Variants in RTN1 observed in about 807,000 individuals in gnomAD.
RTN1 encodes the protein reticulon 1.
Under a neutral mutation model 65.5 loss-of-function variants are expected in RTN1, and 25 were observed. That is an observed-to-expected ratio of 0.38 (90% CI 0.28 to 0.53). The LOEUF (loss-of-function observed/expected upper bound fraction) is 0.53, where lower values mean the gene tolerates loss of function less well. Among genes scored for constraint, RTN1 ranks in the 20% least tolerant of loss-of-function variants. The pLI is 0.79. For missense variants in RTN1, 983 were observed against 1,025.4 expected, an observed-to-expected ratio of 0.96 and a Z score of 0.57; for synonymous variants, 471 against 447.6, an observed-to-expected ratio of 1.05 and a Z score of -0.66.
rs546900024 is a variant in RTN1 at position 59,799,487 on chromosome 14, T to C, written c.242-53006A>G. 2.6e-5 allele frequency among the ~76,000 whole-genome samples: 4 copies of C among 152,328 alleles called. No homozygotes were observed. The East Asian group carries it at 5.8e-4, about 22-fold the overall frequency. On this transcript the variant is annotated intron_variant, in intron 1 of 8. Transcript: ENST00000267484. ...AAGTCAAAAGCCCTCCCTAGAGAGA[T>C]GGGACACATGAATTCTTTCACCTTT...
chr14:59,603,389 A>G, intron 6 of RTN1, 131 bp from the exon 7 acceptor site: 1 of 685,622 alleles, frequency 1.5e-6, no homozygotes, highest in Non-Finnish European at 2.3e-6. Context: ...TTTATTTTTT[A>G]TTCCCTATTT....
rs989044636 is a variant in RTN1, at chr14:59,683,843, T to C, written c.1765+43076A>G. Among the ~76,000 whole-genome samples the C allele has an allele frequency of 6.6e-5, 10 of 152,106 alleles. No homozygotes were observed. The South Asian group carries it at 8.3e-4, about 13-fold the overall frequency. On this transcript the variant is annotated intron_variant, in intron 3 of 8. Transcript: ENST00000267484. ...ACTGGTGATCCATCTAATTTGCTTT[T>C]CTTTGTTTTTTAGCTCTTGCCAACG... is the stretch of plus-strand genomic sequence containing the variant.
At chr14:59,733,230 T>A (rs1884938974) in intron 2 of RTN1, among the ~76,000 whole-genome samples, 1 of 152,140 alleles carries the variant, frequency 6.6e-6, no homozygotes, top group Non-Finnish European at 1.5e-5. Flanking sequence ...TAGCTGGGAT[T>A]ACAGGGGTGC....
At chr14:59,636,595 A>G (rs921168005) in intron 3 of RTN1, among the ~76,000 whole-genome samples, 16 of 152,234 alleles carry the variant, frequency 1.1e-4, no homozygotes, top group African/African-American at 3.9e-4. Flanking sequence ...AGTATTATAT[A>G]GTGACCTTGC....
At chr14:59,649,570 C>T (rs190283516) in intron 3 of RTN1, among the ~76,000 whole-genome samples, 1 of 151,312 alleles carries the variant, frequency 6.6e-6, no homozygotes, top group Non-Finnish European at 1.5e-5. Context: ...TAAAAAAAAA[C>T]CATCAAAAAG....
chr14:59,642,086 T>A (rs1882793033), intron 3 of RTN1, among the ~76,000 whole-genome samples: 1 of 152,218 alleles, frequency 6.6e-6, no homozygotes, highest in Non-Finnish European at 1.5e-5. Flanking sequence ...TATCTTATTT[T>A]CATTTTTGAA....
intron 1 of RTN1, among the ~76,000 whole-genome samples, chr14:59,852,530 T>G (rs1168116835): frequency 6.6e-6 from 1 of 152,162 alleles, no homozygotes; most frequent in Admixed American, 6.5e-5. Flanking sequence ...TCCAAAAACG[T>G]TGGCAGCGAC....
At chr14:59,778,745 C>A (rs1202123345) in intron 1 of RTN1, among the ~76,000 whole-genome samples, 1 of 152,024 alleles carries the variant, frequency 6.6e-6, no homozygotes, top group Middle Eastern at 3.2e-3. Flanking sequence ...CCAAATAGAC[C>A]AGTAATAAGG....
intron 3 of RTN1, among the ~76,000 whole-genome samples, chr14:59,685,674 A>G (rs1883832086): frequency 6.6e-6 from 1 of 152,202 alleles, no homozygotes; most frequent in East Asian, 1.9e-4. Context: ...AAAGACACAA[A>G]TAAATGGAAA....
intron 3 of RTN1, among the ~76,000 whole-genome samples, chr14:59,661,448 A>T (rs570436208): frequency 6.6e-4 from 100 of 152,232 alleles, no homozygotes; most frequent in African/African-American, 2.4e-3. Flanking sequence ...GACACAACAA[A>T]AAAGGAAAAT....
intron 3 of RTN1, among the ~76,000 whole-genome samples, chr14:59,681,673 C>T (rs1377112909): frequency 2.0e-5 from 3 of 152,168 alleles, no homozygotes; most frequent in Non-Finnish European, 2.9e-5. Context: ...TAACTGCTTA[C>T]TAAATAAATC....
Position 59,750,077 on chromosome 14 carries a change from T to C in RTN1, c.242-3596A>G, listed in dbSNP as rs868006418. Among the ~76,000 whole-genome samples, 3 of 67,376 alleles carry C rather than the reference T, an allele frequency of 4.5e-5. 1 individual carries two copies. Among genetic ancestry groups the C allele is most frequent in the African/African-American group, 2.2e-4 (3 of 13,750 alleles). 44.2% of individuals were successfully genotyped at this position (67,376 alleles called of 152,430 possible). A position where few individuals can be genotyped will look rare whatever the true frequency, so the allele number is the denominator to read the frequency against. ...TTATATACATATATTATATATTATATATTATAGACATATATATTATATATT... is the reference window on the plus strand; with the variant it reads ...TTATATACATATATTATATATTATACATTATAGACATATATATTATATATT... On this transcript the variant is annotated intron_variant, in intron 1 of 8. Coordinates refer to ENST00000267484, the MANE Select transcript of RTN1 (RefSeq NM_021136.3).
At chr14:59,632,336 T>C (rs1882572614) in intron 3 of RTN1, among the ~76,000 whole-genome samples, 1 of 152,192 alleles carries the variant, frequency 6.6e-6, no homozygotes, top group South Asian at 2.1e-4. Context: ...TCCCAATTTT[T>C]TTCATTGCCA....
intron 8 of RTN1, among the ~76,000 whole-genome samples, chr14:59,599,261 C>T (rs942357176): frequency 6.6e-6 from 1 of 152,168 alleles, no homozygotes. Flanking sequence ...TGTAGGACTT[C>T]ACTTTCCTTA....
intron 3 of RTN1, among the ~76,000 whole-genome samples, chr14:59,624,988 A>G (rs1882354906): frequency 6.6e-6 from 1 of 152,264 alleles, no homozygotes. Context: ...AAGGTAACTT[A>G]AAATATACCA....
chr14:59,692,229 A>G (rs1232828015), intron 3 of RTN1, among the ~76,000 whole-genome samples: 13 of 152,244 alleles, frequency 8.5e-5, no homozygotes, highest in Non-Finnish European at 1.5e-4. Flanking sequence ...TGACTTCAGT[A>G]AAGTTTCAGG....
At chr14:59,658,687 C>T (rs182174906) in intron 3 of RTN1, among the ~76,000 whole-genome samples, 2 of 152,280 alleles carry the variant, frequency 1.3e-5, no homozygotes, top group African/African-American at 4.8e-5. Context: ...ATAGCATCAA[C>T]ATCAACAAAA....
chr14:59,813,618 G>A (rs920826131), intron 1 of RTN1, among the ~76,000 whole-genome samples: 12 of 152,072 alleles, frequency 7.9e-5, no homozygotes, highest in Admixed American at 6.5e-4. Flanking sequence ...CTACCACAAA[G>A]TGTAATTCCG....
rs1251317389 is a variant in RTN1 at position 59,749,370 on chromosome 14, CTATATATCTATATCTA to C, written c.242-2905_242-2890del. Among the ~76,000 whole-genome samples the C allele has an allele frequency of 2.0e-4, 6 of 30,342 alleles. 1 individual carries two copies. Among genetic ancestry groups the C allele is most frequent in the African/African-American group, 6.7e-4 (3 of 4,470 alleles). 19.9% of individuals were successfully genotyped at this position (30,342 alleles called of 152,430 possible). A position where few individuals can be genotyped will look rare whatever the true frequency, so the allele number is the denominator to read the frequency against. On this transcript the variant is annotated intron_variant, in intron 1 of 8. Coordinates refer to ENST00000267484, the MANE Select transcript of RTN1 (RefSeq NM_021136.3). Reference sequence around the variant, plus strand: ...TATCTATATATATCTATATATATATCTATATATCTATATCTATATATATCTATATATATCTATATCT... The same window carrying C: ...TATCTATATATATCTATATATATATCTATATATCTATATATATCTATATCT...
Sources: gnomAD v4.1 joint callset for allele counts (sites outside exome capture counted in the v4.1 genomes callset) on GRCh38, gnomAD v4.1.1 for gene constraint, MANE v1.5 for transcripts, NCBI Gene and HGNC (gene_info 2026-07-23, HGNC 2026-07-21) for gene names.